SYN2: variants seen among roughly 807,000 people sequenced by gnomAD.
The protein encoded by SYN2 is synapsin-2.
A neutral mutation model predicts 50.9 loss-of-function variants in SYN2; 19 were observed. The ratio of observed to expected loss-of-function variants is 0.37; its 90% confidence interval spans 0.26 to 0.55. The LOEUF (loss-of-function observed/expected upper bound fraction) is 0.55. Among genes scored for constraint, SYN2 ranks in the 20% least tolerant of loss-of-function variants. The pLI, the probability that SYN2 is intolerant of heterozygous loss-of-function variation, is 0.81. For missense variants in SYN2, 587 were observed against 576.4 expected (o/e 1.02, Z -0.19); for synonymous variants, 255 against 224.9 (o/e 1.13, Z -1.20).
intron 1 of SYN2, among the ~76,000 whole-genome samples, chr3:12,065,375 A>AT (rs1324159157): frequency 1.3e-5 from 2 of 152,184 alleles, no homozygotes. Flanking sequence ...AAGAAAATAA[A>AT]TTGTTCTACC....
chr3:12,156,067 A>C (rs1697447920), intron 5 of SYN2, among the ~76,000 whole-genome samples: 1 of 151,620 alleles, frequency 6.6e-6, no homozygotes, highest in East Asian at 1.9e-4. Context: ...CTGAATCTCC[A>C]CTCTCCTGGC....
intron 1 of SYN2, among the ~76,000 whole-genome samples, chr3:12,036,398 A>G (rs571728160): frequency 6.6e-6 from 1 of 152,314 alleles, no homozygotes; most frequent in East Asian, 1.9e-4. Flanking sequence ...TGTATTCTGC[A>G]TATTAGCAGA....
At chr3:12,181,504 G>A (rs1315338998) in intron 10 of SYN2, among the ~76,000 whole-genome samples, 1 of 152,228 alleles carries the variant, frequency 6.6e-6, no homozygotes, top group African/African-American at 2.4e-5. Flanking sequence ...GAAAGGGCAA[G>A]CCCAGCCATG....
intron 9 of SYN2, 42 bp downstream of exon 9, chr3:12,168,520 A>G: frequency 3.2e-6 from 5 of 1,543,980 alleles, no homozygotes; most frequent in South Asian, 2.3e-5. Flanking sequence ...CCTAAGGCTT[A>G]AGAACTATGT....
At position 12,158,766 on chromosome 3, in the gene SYN2, C is replaced by T. The variant is rs781659560; in HGVS notation, c.775-2780C>T. 1.6e-5 allele frequency: 26 copies of T among 1,606,032 alleles called. No homozygotes were observed. In the African/African-American group the frequency reaches 2.1e-4, roughly 13 times the overall value. Reference sequence around the variant, plus strand: ...GGGCGCAGCTGCATGCCTCACCCAGCCCCGGGGGCCGCAGCAACGCCAGCA... The same window carrying T: ...GGGCGCAGCTGCATGCCTCACCCAGTCCCGGGGGCCGCAGCAACGCCAGCA... On this transcript the variant is annotated intron_variant, in intron 5 of 12. Coordinates refer to ENST00000621198, the MANE Select transcript of SYN2 (RefSeq NM_133625.6).
chr3:12,105,359 C>G (rs1696163278), intron 1 of SYN2, among the ~76,000 whole-genome samples: 1 of 151,862 alleles, frequency 6.6e-6, no homozygotes, highest in Non-Finnish European at 1.5e-5. Flanking sequence ...TTGATCTCCT[C>G]TAAGTCACTA....
intron 4 of SYN2, among the ~76,000 whole-genome samples, chr3:12,150,125 CT>C (rs1017830535): frequency 1.3e-5 from 2 of 152,184 alleles, no homozygotes; most frequent in African/African-American, 4.8e-5. Context: ...AGGACCTGAG[CT>C]GTTGAAAAAT....
intron 1 of SYN2, among the ~76,000 whole-genome samples, chr3:12,044,802 A>C (rs188760165): frequency 4.9e-4 from 75 of 152,346 alleles, no homozygotes; most frequent in Non-Finnish European, 8.1e-4. Flanking sequence ...GGTTTATAGA[A>C]TCATAGGACT....
At chr3:12,040,817 A>G (rs1405026584) in intron 1 of SYN2, among the ~76,000 whole-genome samples, 2 of 152,228 alleles carry the variant, frequency 1.3e-5, no homozygotes, top group Non-Finnish European at 2.9e-5. Context: ...AGGTGTTGAT[A>G]GAAAAGTCAG....
At chr3:12,124,201 A>G (rs1696618382) in intron 1 of SYN2, among the ~76,000 whole-genome samples, 1 of 152,200 alleles carries the variant, frequency 6.6e-6, no homozygotes, top group South Asian at 2.1e-4. Context: ...AAAAATAGAA[A>G]AAACTTGACT....
At chr3:12,151,855 A>G (rs1337013019) in intron 5 of SYN2, among the ~76,000 whole-genome samples, 1 of 152,134 alleles carries the variant, frequency 6.6e-6, no homozygotes, top group East Asian at 1.9e-4. Flanking sequence ...CGCTTCCACA[A>G]CTGTGATAAG....
rs150979302 is a variant in SYN2 at position 12,077,720 on chromosome 3, T to G, written c.378-62931T>G. Among the ~76,000 whole-genome samples, 1,069 of 152,322 alleles carry G rather than the reference T, an allele frequency of 7.0e-3. 10 individuals are homozygous for G. Among genetic ancestry groups the G allele is most frequent in the African/African-American group, 0.024 (992 of 41,572 alleles). ...CACATTTTCTTTATCTGGTCTATCCTTGATGGGCATTTGGGTTGATTTCAT... is the reference window on the plus strand; with the variant it reads ...CACATTTTCTTTATCTGGTCTATCCGTGATGGGCATTTGGGTTGATTTCAT... On this transcript the variant is annotated intron_variant, in intron 1 of 12. Transcript: ENST00000621198.
chr3:12,005,046 G>C, intron 1 of SYN2, 118 bp downstream of exon 1: 1 of 384,066 alleles, frequency 2.6e-6, no homozygotes, highest in South Asian at 9.8e-5. Context: ...GAGGGTCCCC[G>C]AGGTCCCGCT....
chr3:12,019,697 T>G (rs1216547422), intron 1 of SYN2, among the ~76,000 whole-genome samples: 1 of 152,188 alleles, frequency 6.6e-6, no homozygotes, highest in African/African-American at 2.4e-5. Flanking sequence ...GGTCATATAT[T>G]TAAGTAAAAC....
chr3:12,056,712 C>T (rs1360595807), intron 1 of SYN2, among the ~76,000 whole-genome samples: 1 of 151,932 alleles, frequency 6.6e-6, no homozygotes, highest in East Asian at 1.9e-4. Context: ...GGAGTTCAAG[C>T]CCAAATTTGA....
rs535515544 is a variant in SYN2 at position 12,046,111 on chromosome 3, T to C, written c.377+41183T>C. On this transcript the variant is annotated intron_variant, in intron 1 of 12. Coordinates refer to ENST00000621198, the MANE Select transcript of SYN2 (RefSeq NM_133625.6). Reference sequence around the variant, plus strand: ...TTAGGAAAGAGACTGTCAGTATTGTTCAGTTTTATTCTCTGTACCTAGTAC... The same window carrying C: ...TTAGGAAAGAGACTGTCAGTATTGTCCAGTTTTATTCTCTGTACCTAGTAC... Among the ~76,000 whole-genome samples the C allele has an allele frequency of 7.9e-5, 12 of 152,350 alleles. No homozygotes were observed. In the East Asian group the frequency reaches 2.1e-3, roughly 27 times the overall value.
intron 7 of SYN2, among the ~76,000 whole-genome samples, chr3:12,164,984 CTTTTTTTT>C (rs68043865): frequency 1.1e-5 from 1 of 92,344 alleles, no homozygotes; most frequent in Admixed American, 1.4e-4. Flanking sequence ...TTTTTCTTTT[CTTTTTTTT>C]TTTTTTTTTT....
At chr3:12,180,194 G>A (rs927405853) in intron 10 of SYN2, among the ~76,000 whole-genome samples, 1 of 151,262 alleles carries the variant, frequency 6.6e-6, no homozygotes, top group Non-Finnish European at 1.5e-5. Flanking sequence ...AGTGATCCAC[G>A]CACCTCGGCC....
chr3:12,087,318 A>G (rs781472489), intron 1 of SYN2, among the ~76,000 whole-genome samples: 4 of 152,190 alleles, frequency 2.6e-5, no homozygotes, highest in East Asian at 1.9e-4. Flanking sequence ...TGTAATCCCT[A>G]TTGAAATTCC....
Sources: allele counts gnomAD v4.1 joint callset (sites outside exome capture counted in the v4.1 genomes callset), GRCh38; gene constraint gnomAD v4.1.1; transcripts MANE v1.5; gene names NCBI Gene and HGNC (gene_info 2026-07-23, HGNC 2026-07-21).